The following FTSJ1 variants were observed in gnomAD, a reference collection of about 807,000 sequenced individuals.
FTSJ1 encodes the protein FtsJ RNA 2'-O-methyltransferase 1.
FTSJ1 carries 3 observed loss-of-function variants against 28.5 expected under a neutral mutation model. The ratio of observed to expected loss-of-function variants is 0.11; its 90% CI spans 0.05 to 0.27. The LOEUF is 0.27. Ranked by LOEUF, FTSJ1 falls within the 10% of genes least tolerant of loss-of-function variation. The pLI is 1.00. For missense variants in FTSJ1, 162 were observed against 279.0 expected (o/e 0.58, Z 2.99); for synonymous variants, 104 against 113.9 (o/e 0.91, Z 0.55).
intron 9 of FTSJ1, 40 bp from the exon 10 acceptor site, chrX:48,482,363 A>G: frequency 1.0e-6 from 1 of 985,526 alleles, no homozygotes; most frequent in Non-Finnish European, 1.4e-6. Context: ...GGCCCCAGGC[A>G]TCCTGACCTT....
rs1322045016 is a variant in FTSJ1, at chrX:48,476,343, G to T, written c.-141G>T. 3 of 297,288 alleles carry T rather than the reference G, an allele frequency of 1.0e-5. No individual in the cohort carries two copies. Among genetic ancestry groups the T allele is most frequent in the Non-Finnish European group, 1.8e-5 (3 of 170,107 alleles). The allele number at this position is 297,288 out of a possible 1,213,427, so 24.5% of individuals were successfully genotyped here. A position where few individuals can be genotyped will look rare whatever the true frequency, so the allele number is the denominator to read the frequency against. Reference sequence around the variant, plus strand: ...AAGCCCTAGGACTTGTCGCCCGTTTGCGCTCTCGCCGAGGCACAGGCTGCT... The same window carrying T: ...AAGCCCTAGGACTTGTCGCCCGTTTTCGCTCTCGCCGAGGCACAGGCTGCT... On this transcript the variant is annotated 5_prime_UTR_variant, in exon 1 of 13. Coordinates refer to ENST00000348411, the MANE Select transcript of FTSJ1 (RefSeq NM_012280.4).
rs782432954 is a variant in FTSJ1 at position 48,478,018 on chromosome X, C to T, written c.-30C>T. 2 of 1,211,090 alleles carry T rather than the reference C, an allele frequency of 1.7e-6. No homozygotes were observed. Among genetic ancestry groups the T allele is most frequent in the Non-Finnish European group, 2.2e-6 (2 of 895,133 alleles). ...ATACTGGCCGGCATCAGTGGACTGT[C>T]GGCAGGTCCTTGAGCAACTGGTGTG... On this transcript the variant is annotated 5_prime_UTR_variant, in exon 2 of 13. Transcript: ENST00000348411.
chrX:48,477,853 AGGTCAGTGG>A (rs1207462243), intron 1 of FTSJ1, 99 bp from the exon 2 acceptor site: 1 of 533,849 alleles, frequency 1.9e-6, no homozygotes. Flanking sequence ...AGGCCCTATA[AGGTCAGTGG>A]GGTCAGTGCC....
chrX:48,483,097 C>A, intron 12 of FTSJ1, 70 bp downstream of exon 12: 1 of 847,177 alleles, frequency 1.2e-6, no homozygotes, highest in Non-Finnish European at 1.8e-6. Context: ...TAAAATTTCA[C>A]CTTTGAAATT....
intron 1 of FTSJ1, 64 bp from the exon 2 acceptor site, chrX:48,477,897 G>C: frequency 1.2e-6 from 1 of 837,586 alleles, no homozygotes. Flanking sequence ...CCCATCTTCT[G>C]TGTGAGCTGT....
At chrX:48,477,924 G>C in intron 1 of FTSJ1, 37 bp from the exon 2 acceptor site, 1 of 1,036,753 alleles carries the variant, frequency 9.6e-7, no homozygotes, top group African/African-American at 1.8e-5. Context: ...GGTCAGATGA[G>C]CCCAGTTTAG....
intron 4 of FTSJ1, 40 bp from the exon 5 acceptor site, chrX:48,478,996 AGT>A (rs782062037): frequency 9.9e-7 from 1 of 1,008,349 alleles, no homozygotes; most frequent in Non-Finnish European, 1.4e-6. Context: ...TGAGGGCAGC[AGT>A]GGAGGGCCGT....
rs149542214 is a variant in FTSJ1 at position 48,480,813 on chromosome X, G to A, written c.362-338G>A. ...TTAGAAAGCTCAGATGAGATGGGGAGGATGGTGGGAGGAGCAGGTTTGGGG... is the reference window on the plus strand; with the variant it reads ...TTAGAAAGCTCAGATGAGATGGGGAAGATGGTGGGAGGAGCAGGTTTGGGG... On this transcript the variant is annotated intron_variant, in intron 5 of 12. Coordinates refer to ENST00000348411, the MANE Select transcript of FTSJ1 (RefSeq NM_012280.4). Among the ~76,000 whole-genome samples, 792 of 111,331 alleles carry A rather than the reference G, an allele frequency of 7.1e-3. 8 individuals carry two copies. The highest frequency in any genetic ancestry group is 0.025 in the African/African-American group (760 of 30,586).
In FTSJ1 at chrX:48,476,245, C is replaced by T. The variant is rs2061531055; in HGVS notation, c.-239C>T. ...GCCGGAACCTGGGCGATCCACGATGCCGAGTTTGCCACGCTGCGACAGCCC... is the reference window on the plus strand; with the variant it reads ...GCCGGAACCTGGGCGATCCACGATGTCGAGTTTGCCACGCTGCGACAGCCC... On this transcript the variant is annotated 5_prime_UTR_variant, in exon 1 of 13. Transcript: ENST00000348411. 3 of 298,350 alleles carry T rather than the reference C, an allele frequency of 1.0e-5. No homozygotes were observed. The highest frequency in any genetic ancestry group is 4.7e-5 in the East Asian group (1 of 21,093). 24.6% of individuals were successfully genotyped at this position (298,350 alleles called of 1,213,427 possible). A position where few individuals can be genotyped will look rare whatever the true frequency, so the allele number is the denominator to read the frequency against.
rs782225463 is a variant in FTSJ1 at position 48,479,019 on chromosome X, A to G, written c.283-19A>G. 4 of 1,162,012 alleles carry G rather than the reference A, an allele frequency of 3.4e-6. No individual in the cohort carries two copies. The highest frequency in any genetic ancestry group is 1.8e-5 in the African/African-American group (1 of 56,963). On this transcript the variant is annotated intron_variant, in intron 4 of 12. Transcript: ENST00000348411. ...GCAGTGGAGGGCCGTGGGGCCACTC[A>G]TCCTCCCTCTCTCCATAGCTGTCCA... is the stretch of plus-strand genomic sequence containing the variant.
At chrX:48,478,299 G>A in intron 2 of FTSJ1, 131 bp downstream of exon 2, 3 of 848,399 alleles carry the variant, frequency 3.5e-6, no homozygotes, top group Non-Finnish European at 5.2e-6. Context: ...AGACAGGCAG[G>A]AAGATAGGCA....
intron 2 of FTSJ1, 40 bp from the exon 3 acceptor site, chrX:48,478,409 G>A: frequency 8.5e-7 from 1 of 1,173,201 alleles, no homozygotes; most frequent in Non-Finnish European, 1.2e-6. Context: ...TTGGAGAAGT[G>A]GGTGCAGCTG....
chrX:48,481,988 C>G (rs2061572759), intron 9 of FTSJ1, among the ~76,000 whole-genome samples: 1 of 112,219 alleles, frequency 8.9e-6, no homozygotes, highest in Non-Finnish European at 1.9e-5. Flanking sequence ...AGCCCTGCCC[C>G]AGTGGAGACT....
intron 5 of FTSJ1, 36 bp downstream of exon 5, chrX:48,479,152 C>A (rs782492029): frequency 1.0e-6 from 1 of 980,609 alleles, no homozygotes; most frequent in South Asian, 1.9e-5. Context: ...CCAGGCGGGG[C>A]CCCCTGTGTG....
Position 48,483,175 on chromosome X carries a change from A to G in FTSJ1, c.*9+148A>G, listed in dbSNP as rs1199098163. On this transcript the variant is annotated intron_variant, in intron 12 of 12. Coordinates refer to ENST00000348411, the MANE Select transcript of FTSJ1 (RefSeq NM_012280.4). ...AAACATCTGTTGTTGTATGCCAGGAACTGCTTTAAGCATTTTACATTTGAG... is the reference window on the plus strand; with the variant it reads ...AAACATCTGTTGTTGTATGCCAGGAGCTGCTTTAAGCATTTTACATTTGAG... 5.9e-6 allele frequency: 3 copies of G among 506,519 alleles called. No individual in the cohort carries two copies. In the Admixed American group the frequency reaches 9.0e-5, roughly 15 times the overall value. 41.7% of individuals were successfully genotyped at this position (506,519 alleles called of 1,213,427 possible).
At chrX:48,477,900 T>G in intron 1 of FTSJ1, 61 bp from the exon 2 acceptor site, 88 of 847,864 alleles carry the variant, frequency 1.0e-4, no homozygotes, top group Non-Finnish European at 1.4e-4. Flanking sequence ...ATCTTCTGTG[T>G]GAGCTGTCAT....
chrX:48,479,006 C>G, intron 4 of FTSJ1, 32 bp from the exon 5 acceptor site: 2 of 1,086,283 alleles, frequency 1.8e-6, no homozygotes, highest in South Asian at 3.7e-5. Context: ...AGTGGAGGGC[C>G]GTGGGGCCAC....
Position 48,482,488 on chromosome X carries a change from C to T in FTSJ1, c.741C>T (p.Asp247=), listed in dbSNP as rs370010892. The change falls in exon 10 of 13, where the codon GAC becomes GAT. Residue 247 remains aspartate (D), a synonymous_variant. Transcript: ENST00000348411. The stretch of plus-strand genomic sequence containing the variant: ...GGGACCTGAGCTCCTATGATTCGGA[C>T]CGCAGTTACCCACTGGACGTGAGTG... ...TCGDLSSYDS[D]RSYPLDLEGG... 2 of 1,198,692 alleles carry T rather than the reference C, an allele frequency of 1.7e-6. No individual in the cohort carries two copies. The highest frequency in any genetic ancestry group is 3.5e-5 in the African/African-American group (2 of 56,699).
At chrX:48,482,546 T>C (rs201183184) in intron 10 of FTSJ1, 40 bp downstream of exon 10, 1 of 1,180,175 alleles carries the variant, frequency 8.5e-7, no homozygotes, top group African/African-American at 1.8e-5. Context: ...GGAGGGAGGC[T>C]GTCCTAGGTT....
Sources: allele counts gnomAD v4.1 joint callset (sites outside exome capture counted in the v4.1 genomes callset), GRCh38; gene constraint gnomAD v4.1.1; transcripts MANE v1.5; gene names NCBI Gene and HGNC (gene_info 2026-07-23, HGNC 2026-07-21).